The following NPHP4 variants were observed in gnomAD, a reference collection of about 807,000 sequenced individuals.
NPHP4 encodes nephrocystin-4.
A neutral mutation model predicts 155.8 loss-of-function variants in NPHP4; 151 were observed. That is an observed-to-expected ratio of 0.97 (90% CI 0.85 to 1.11). The LOEUF (loss-of-function observed/expected upper bound fraction) is 1.11, where lower values mean the gene tolerates loss of function less well. Among genes scored for constraint, NPHP4 ranks in the 50% least tolerant of loss-of-function variants. The pLI is 0.00. For synonymous variants in NPHP4, 845 were observed against 816.8 expected (o/e 1.03, Z -0.59); for missense variants, 1,956 against 1,925.7 (o/e 1.02, Z -0.29).
chr1:5,986,207 G>A lies in NPHP4; in HGVS notation c.83C>T (p.Ser28Phe). ...CTTGAGGACACACTGGAATGCCGTG[G>A]ATTCCTTCCAAGGCTGGCGCGCTCT... ...PQRARQPWKE[S>F]TAFQCVLKWL... Residue 28 changes from serine to phenylalanine, a missense_variant, in exon 2 of 30, where the codon TCC (serine) becomes TTC (phenylalanine). By Grantham distance (155) the Ser-to-Phe change is radical (BLOSUM62 -2). Transcript: ENST00000378156. 6.2e-7 allele frequency: 1 copy of A among 1,613,878 alleles called. No homozygotes were observed. Among genetic ancestry groups the A allele is most frequent in the Non-Finnish European group, 8.5e-7 (1 of 1,179,824 alleles).
At chr1:5,947,307 A>C in intron 8 of NPHP4, 77 bp from the exon 9 acceptor site, 4 of 1,532,812 alleles carry the variant, frequency 2.6e-6, no homozygotes, top group East Asian at 2.3e-5. Context: ...GACCACTGTC[A>C]GAACAGTCAA....
At chr1:5,913,107 C>T (rs562017743) in intron 11 of NPHP4, among the ~76,000 whole-genome samples, 3 of 149,438 alleles carry the variant, frequency 2.0e-5, no homozygotes, top group Non-Finnish European at 3.0e-5. Flanking sequence ...GCAGAGATCG[C>T]GCCACTGCAC....
At chr1:5,917,393 A>G (rs1645529243) in intron 11 of NPHP4, among the ~76,000 whole-genome samples, 3 of 152,092 alleles carry the variant, frequency 2.0e-5, no homozygotes, top group African/African-American at 4.8e-5. Context: ...CACTGAAGAA[A>G]GGAGAGCTTA....
chr1:5,872,064 G>A (rs1219007644), intron 23 of NPHP4, among the ~76,000 whole-genome samples: 2 of 152,200 alleles, frequency 1.3e-5, no homozygotes, highest in African/African-American at 2.4e-5. Context: ...CTAGTGCACA[G>A]CCACCTGAAA....
At chr1:5,920,633 C>T (rs1289359133) in intron 11 of NPHP4, among the ~76,000 whole-genome samples, 1 of 152,200 alleles carries the variant, frequency 6.6e-6, no homozygotes, top group African/African-American at 2.4e-5. Context: ...TCATTTCATC[C>T]TCCCCCCAAT....
intron 10 of NPHP4, among the ~76,000 whole-genome samples, chr1:5,930,979 A>T (rs1253076680): frequency 6.6e-6 from 1 of 152,158 alleles, no homozygotes; most frequent in Non-Finnish European, 1.5e-5. Context: ...TAGGATTGTT[A>T]TGTCTTGGCA....
At chr1:5,866,597 C>T (rs1216676792) in intron 25 of NPHP4, 139 bp from the exon 26 acceptor site, 7 of 633,224 alleles carry the variant, frequency 1.1e-5, no homozygotes, top group East Asian at 2.7e-5. Context: ...CTATACCAAT[C>T]GGAATTCACT....
At chr1:5,938,649 A>C (rs1646669832) in intron 9 of NPHP4, among the ~76,000 whole-genome samples, 1 of 152,224 alleles carries the variant, frequency 6.6e-6, no homozygotes, top group Admixed American at 6.5e-5. Context: ...AGTGAAATTT[A>C]ACCCTTTTCC....
chr1:5,876,760 G>C (rs1642648600), intron 20 of NPHP4: 1 of 276,706 alleles, frequency 3.6e-6, no homozygotes, highest in African/African-American at 2.2e-5. Context: ...GGATATGTCA[G>C]TTGTTCACAG....
intron 11 of NPHP4, among the ~76,000 whole-genome samples, chr1:5,914,754 A>AT (rs1278198399): frequency 6.6e-6 from 1 of 152,224 alleles, no homozygotes; most frequent in African/African-American, 2.4e-5. Context: ...TGTGGTCTTC[A>AT]TTGAGATGTC....
At chr1:5,963,978 G>A (rs538848834) in intron 5 of NPHP4, among the ~76,000 whole-genome samples, 11 of 152,270 alleles carry the variant, frequency 7.2e-5, no homozygotes, top group African/African-American at 2.4e-4. Context: ...GTGAACCACC[G>A]CTCCTGGCCC....
intron 11 of NPHP4, among the ~76,000 whole-genome samples, chr1:5,924,673 G>A (rs1199168868): frequency 6.6e-6 from 1 of 152,028 alleles, no homozygotes; most frequent in Non-Finnish European, 1.5e-5. Context: ...ATTTATTTTT[G>A]AGACAAGGTC....
In NPHP4 at chr1:5,867,938, T is replaced by C; in HGVS notation, c.3316-42A>G. On this transcript the variant is annotated intron_variant, in intron 23 of 29. Coordinates refer to ENST00000378156, the MANE Select transcript of NPHP4 (RefSeq NM_015102.5). This position sits in a 1 kb window ranked among gnomAD's most constrained non-coding sequence, Gnocchi z 4.1. ...CTGAGTGTTGGGATGGGCACGAGGC[T>C]TGTGAGCAGCTTCTTGTCCCTCCTT... 2 of 1,610,804 alleles carry C rather than the reference T, an allele frequency of 1.2e-6. No individual in the cohort carries two copies. The highest frequency in any genetic ancestry group is 1.7e-6 in the Non-Finnish European group (2 of 1,177,080).
In NPHP4 at chr1:5,948,089, C is replaced by A; in HGVS notation, c.973G>T (p.Val325Phe). 2 of 1,613,840 alleles carry A rather than the reference C, an allele frequency of 1.2e-6. No individual in the cohort carries two copies. Among genetic ancestry groups the A allele is most frequent in the South Asian group, 2.2e-5 (2 of 91,070 alleles). Residue 325 changes from valine (V) to phenylalanine (F), a missense_variant, in exon 8 of 30, where the codon GTC becomes TTC. By Grantham distance (50) the Val-to-Phe change is conservative (BLOSUM62 -1). Coordinates refer to ENST00000378156, the MANE Select transcript of NPHP4 (RefSeq NM_015102.5). ...CAATACCTGGTCTTGGAAGAGGAGA[C>A]CACTTTCCTGCTGAAGCTAGCTGAG... ...TRSASFSRKV[V>F]SSSKTSSGSQ...
chr1:5,972,092 A>C (rs947627607), intron 3 of NPHP4, among the ~76,000 whole-genome samples: 2 of 152,206 alleles, frequency 1.3e-5, no homozygotes, highest in Non-Finnish European at 2.9e-5. Flanking sequence ...GCAGCCGGGC[A>C]CCCCCCATGG....
At position 5,887,405 on chromosome 1, in the gene NPHP4, G is replaced by A. The variant is rs1216991907; in HGVS notation, c.2366C>T (p.Thr789Ile). ...QASHELEVVA[T>I]EYEQDNMVVS... Reference sequence around the variant, plus strand: ...CACCATGTTGTCCTGCTCGTATTCAGTTGCCACGACCTCAAGCTCGTGGGA... The same window carrying A: ...CACCATGTTGTCCTGCTCGTATTCAATTGCCACGACCTCAAGCTCGTGGGA... Residue 789 changes from threonine to isoleucine, a missense_variant, in exon 18 of 30, where the codon ACT becomes ATT. Thr to Ile is a moderately conservative substitution (Grantham distance 89). Transcript: ENST00000378156. 1 of 1,613,482 alleles carries A rather than the reference G, an allele frequency of 6.2e-7. No homozygotes were observed. The highest frequency in any genetic ancestry group is 8.5e-7 in the Non-Finnish European group (1 of 1,179,888).
At chr1:5,926,030 CT>C (rs1645985714) in intron 11 of NPHP4, among the ~76,000 whole-genome samples, 1 of 152,112 alleles carries the variant, frequency 6.6e-6, no homozygotes, top group Non-Finnish European at 1.5e-5. Context: ...GAAATTCATT[CT>C]AAACCGACTC....
intron 9 of NPHP4, 116 bp from the exon 10 acceptor site, chr1:5,933,445 C>A: frequency 2.6e-6 from 2 of 783,690 alleles, no homozygotes; most frequent in East Asian, 2.7e-5. Flanking sequence ...TAGCAAGGGG[C>A]AGGGATCATC....
chr1:5,870,901 G>GT (rs1171755968), intron 23 of NPHP4, among the ~76,000 whole-genome samples: 7 of 152,336 alleles, frequency 4.6e-5, no homozygotes, highest in Non-Finnish European at 7.3e-5. Flanking sequence ...CAGCAGGCTG[G>GT]TGGGGGCCAC....
Sources: allele counts gnomAD v4.1 joint callset (sites outside exome capture counted in the v4.1 genomes callset), GRCh38; gene constraint gnomAD v4.1.1; non-coding constraint Gnocchi (gnomAD v3.1); transcripts MANE v1.5; gene names NCBI Gene and HGNC (gene_info 2026-07-23, HGNC 2026-07-21).